The following H2AZ2 variants were observed in gnomAD, a reference collection of about 807,000 sequenced individuals.
H2AZ2 encodes the protein histone H2A.V.
Under a neutral mutation model 15.5 loss-of-function variants are expected in H2AZ2, and 5 were observed. That is an observed-to-expected ratio of 0.32 (90% CI 0.17 to 0.68). The LOEUF is 0.68. H2AZ2 is among the 30% of genes least tolerant of loss of function. The probability of loss-of-function intolerance (pLI) is 0.72; values close to 1 mark genes in which losing one functional copy is unlikely to be tolerated. For synonymous variants in H2AZ2, 44 were observed against 57.4 expected, an observed-to-expected ratio of 0.77 and a Z score of 1.05; for missense variants, 42 against 162.5, an observed-to-expected ratio of 0.26 and a Z score of 4.03.
In H2AZ2 at chr7:44,832,927, G is replaced by A. The variant is rs997779413; in HGVS notation, c.*1574C>T. 6.6e-6 allele frequency among the ~76,000 whole-genome samples: 1 copy of A among 152,094 alleles called. No homozygotes were observed. Among genetic ancestry groups the A allele is most frequent in the African/African-American group, 2.4e-5 (1 of 41,422 alleles). ...ATCATGCCACTGCACTTCAACCTGG[G>A]CAAAAGAGCAAGAGCCTGTCTCAAA... On this transcript the variant is annotated 3_prime_UTR_variant, in exon 5 of 5. Transcript: ENST00000308153.
chr7:44,834,940 G>A (rs946485897), intron 4 of H2AZ2: 5 of 166,962 alleles, frequency 3.0e-5, no homozygotes, highest in African/African-American at 7.2e-5. Context: ...GCACCACCAC[G>A]CCCAGCTAAT....
At chr7:44,843,710 C>A (rs1312417581) in intron 1 of H2AZ2, among the ~76,000 whole-genome samples, 2 of 152,078 alleles carry the variant, frequency 1.3e-5, no homozygotes, top group African/African-American at 2.4e-5. Flanking sequence ...AGGCGCACAC[C>A]ACCACACATG....
At chr7:44,827,681 A>C (rs1792945231), downstream of H2AZ2, 2 of 152,106 alleles carry the variant, frequency 1.3e-5, no homozygotes. Context: ...TAAAAATTTG[A>C]CTCTCCAACT....
downstream of H2AZ2, among the ~76,000 whole-genome samples, chr7:44,831,966 GAAC>G (rs1299897513): frequency 2.0e-5 from 3 of 152,200 alleles, no homozygotes; most frequent in East Asian, 1.9e-4. Flanking sequence ...AAGCAAAACA[GAAC>G]AACAGAAGCC....
rs761116596 is a variant in H2AZ2 at position 44,836,080 on chromosome 7, C to T, written c.196-422G>A. Reference sequence around the variant, plus strand: ...GTGCAGGGTTATTCTCCTGCCCTAGCGTCCTGAGCTGCTGTGACCAGGTGA... The same window carrying T: ...GTGCAGGGTTATTCTCCTGCCCTAGTGTCCTGAGCTGCTGTGACCAGGTGA... On this transcript the variant is annotated intron_variant, in intron 3 of 4. Coordinates refer to ENST00000308153, the MANE Select transcript of H2AZ2 (RefSeq NM_012412.5). Among the ~76,000 whole-genome samples, 22 of 150,764 alleles carry T rather than the reference C, an allele frequency of 1.5e-4. 1 individual carries two copies. The highest frequency in any genetic ancestry group is 1.3e-4 in the Non-Finnish European group (9 of 67,884).
At chr7:44,838,634 CAG>C (rs1793191639) in intron 3 of H2AZ2, among the ~76,000 whole-genome samples, 1 of 152,114 alleles carries the variant, frequency 6.6e-6, no homozygotes, top group Non-Finnish European at 1.5e-5. Context: ...GCCTGGGAGA[CAG>C]AGAGAGATCC....
At chr7:44,837,577 A>G (rs1156886434) in intron 3 of H2AZ2, among the ~76,000 whole-genome samples, 1 of 148,902 alleles carries the variant, frequency 6.7e-6, no homozygotes, top group Non-Finnish European at 1.5e-5. Context: ...CTGCAGCCTC[A>G]ACCTCCTGGG....
chr7:44,831,219 A>C (rs1447870879), downstream of H2AZ2, among the ~76,000 whole-genome samples: 1 of 152,176 alleles, frequency 6.6e-6, no homozygotes, highest in Non-Finnish European at 1.5e-5. Flanking sequence ...GATACGTATT[A>C]AGATATTATA....
chr7:44,834,948 A>G (rs996067619), intron 4 of H2AZ2: 1 of 165,338 alleles, frequency 6.0e-6, no homozygotes, highest in African/African-American at 2.4e-5. Flanking sequence ...ACGCCCAGCT[A>G]ATTTTTGTAT....
chr7:44,837,007 C>G (rs1266395749), intron 3 of H2AZ2, among the ~76,000 whole-genome samples: 1 of 149,534 alleles, frequency 6.7e-6, no homozygotes, highest in Non-Finnish European at 1.5e-5. Context: ...AAAAGAAAAA[C>G]AAAAACAAAA....
intron 4 of H2AZ2, chr7:44,835,288 A>G (rs1168999597): frequency 2.3e-6 from 1 of 432,678 alleles, no homozygotes; most frequent in Non-Finnish European, 4.1e-6. Flanking sequence ...TCAGGCTTTA[A>G]GTATCATATG....
Position 44,835,548 on chromosome 7 carries a change from CTTGA to C in H2AZ2, c.302_305del (p.Ile101ArgfsTer4). ...ACATACCACCCCCAGCTATGGTAGC[CTTGA>C]TAAGAGAATCCAACTCTTCATCACC... On this transcript the variant is annotated frameshift_variant, in exon 4 of 5. Transcript: ENST00000308153. LOFTEE classifies it high-confidence loss of function. The C allele has an allele frequency of 6.2e-7, 1 of 1,613,768 alleles. No homozygotes were observed. Among genetic ancestry groups the C allele is most frequent in the Non-Finnish European group, 8.5e-7 (1 of 1,179,820 alleles).
intron 4 of H2AZ2, among the ~76,000 whole-genome samples, chr7:44,834,774 G>A (rs1793076697): frequency 6.8e-6 from 1 of 146,890 alleles, no homozygotes; most frequent in African/African-American, 2.5e-5. Context: ...TTTGAGAAGA[G>A]TAACCATAGC....
At chr7:44,837,874 C>T (rs985514063) in intron 3 of H2AZ2, among the ~76,000 whole-genome samples, 1 of 151,598 alleles carries the variant, frequency 6.6e-6, no homozygotes, top group African/African-American at 2.4e-5. Context: ...CCTTGTGAAC[C>T]ACAATGTTCA....
At chr7:44,835,681 A>T in intron 3 of H2AZ2, 23 bp from the exon 4 acceptor site, 1 of 1,554,392 alleles carries the variant, frequency 6.4e-7, no homozygotes, top group African/African-American at 1.4e-5. Flanking sequence ...CATGATTAGC[A>T]TATCAAATGA....
At chr7:44,829,678 G>C (rs1349895567), downstream of H2AZ2, 1 of 152,378 alleles carries the variant, frequency 6.6e-6, no homozygotes, top group Admixed American at 6.6e-5. Context: ...GATAGGAATA[G>C]GATGATCTTC....
At chr7:44,841,597 C>T (rs1022509137) in intron 2 of H2AZ2, among the ~76,000 whole-genome samples, 1 of 152,200 alleles carries the variant, frequency 6.6e-6, no homozygotes, top group Non-Finnish European at 1.5e-5. Context: ...GCAACCTCCG[C>T]CTCCCGGGTT....
Position 44,835,614 on chromosome 7 carries a change from C to T in H2AZ2, c.240G>A (p.Lys80=). Reference sequence around the variant, plus strand: ...GCTGCAAGTGACGCGGAGTGATACGCTTTACTTTGAGATCCTTAGAAGCAT... The same window carrying T: ...GCTGCAAGTGACGCGGAGTGATACGTTTTACTTTGAGATCCTTAGAAGCAT... The part of the protein sequence containing the change: ...AGNASKDLKV[K]RITPRHLQLA... The change falls in exon 4 of 5, where the codon AAG becomes AAA. Residue 80 remains lysine (K), a synonymous_variant. Transcript: ENST00000308153. 2 of 1,613,022 alleles carry T rather than the reference C, an allele frequency of 1.2e-6. No homozygotes were observed. The highest frequency in any genetic ancestry group is 1.7e-6 in the Non-Finnish European group (2 of 1,179,382).
At chr7:44,847,600 C>T (rs934394280) in intron 1 of H2AZ2, among the ~76,000 whole-genome samples, 2 of 152,222 alleles carry the variant, frequency 1.3e-5, no homozygotes, top group Non-Finnish European at 2.9e-5. Flanking sequence ...CAGCGGCAGC[C>T]TGTTTGACCT....
Sources: gnomAD v4.1 joint callset for allele counts (sites outside exome capture counted in the v4.1 genomes callset) on GRCh38, gnomAD v4.1.1 for gene constraint, MANE v1.5 for transcripts, NCBI Gene and HGNC (gene_info 2026-07-23, HGNC 2026-07-21) for gene names.